The following LDLRAD3 variants were observed in gnomAD, a reference collection of about 807,000 sequenced individuals.
LDLRAD3 encodes low-density lipoprotein receptor class A domain-containing protein 3.
In LDLRAD3, 20 loss-of-function variants were observed where a neutral mutation model predicts 29.4. That is an observed-to-expected ratio of 0.68 (90% CI 0.48 to 0.99). The LOEUF is 0.99. Among genes scored for constraint, LDLRAD3 ranks in the 50% least tolerant of loss-of-function variants. The pLI, the probability that LDLRAD3 is intolerant of heterozygous loss-of-function variation, is 0.00. For synonymous variants in LDLRAD3, 157 were observed against 192.7 expected (o/e 0.81, Z 1.53); for missense variants, 420 against 454.3 (o/e 0.92, Z 0.69).
At chr11:35,957,656 C>T (rs1017884141) in intron 1 of LDLRAD3, among the ~76,000 whole-genome samples, 8 of 151,758 alleles carry the variant, frequency 5.3e-5, no homozygotes, top group Non-Finnish European at 8.8e-5. Context: ...AAAAATTAGC[C>T]GGGCACAGTG....
chr11:36,010,025 A>G (rs1210655440), intron 1 of LDLRAD3: 2 of 154,386 alleles, frequency 1.3e-5, no homozygotes, highest in Non-Finnish European at 2.9e-5. Context: ...AAATACTATC[A>G]GAATAAGGGA....
chr11:36,043,526 T>TG (rs947649139), intron 2 of LDLRAD3, among the ~76,000 whole-genome samples: 1 of 152,142 alleles, frequency 6.6e-6, no homozygotes, highest in Non-Finnish European at 1.5e-5. Context: ...TATTTGGAAA[T>TG]GGGGGTCCTT....
rs114525921 is a variant in LDLRAD3 at position 36,011,981 on chromosome 11, C to T, written c.47-24122C>T. On this transcript the variant is annotated intron_variant, in intron 1 of 5. Transcript: ENST00000315571. ...ATGACTGTGGGGAAGAAGGCAGGTA[C>T]GGTCATAGAAGTTTGCTATTTTCTT... Among the ~76,000 whole-genome samples, 435 of 152,240 alleles carry T rather than the reference C, an allele frequency of 2.9e-3. 2 individuals carry two copies. Among genetic ancestry groups the T allele is most frequent in the African/African-American group, 1.0e-2 (414 of 41,540 alleles).
intron 4 of LDLRAD3, among the ~76,000 whole-genome samples, chr11:36,217,914 A>C (rs1313717130): frequency 6.6e-6 from 1 of 152,122 alleles, no homozygotes; most frequent in African/African-American, 2.4e-5. Flanking sequence ...AGCTCTCTCT[A>C]ATTCAGAATG....
At chr11:36,200,786 A>G (rs1028444316) in intron 4 of LDLRAD3, among the ~76,000 whole-genome samples, 4 of 152,234 alleles carry the variant, frequency 2.6e-5, no homozygotes, top group African/African-American at 7.2e-5. Context: ...GTGTTCTTCT[A>G]TCAATCAGCC....
intron 1 of LDLRAD3, among the ~76,000 whole-genome samples, chr11:35,992,741 C>T (rs1851706038): frequency 6.6e-6 from 1 of 152,028 alleles, no homozygotes; most frequent in South Asian, 2.1e-4. Context: ...CATGGGGTTT[C>T]CTTTTGGGGT....
chr11:36,111,499 T>C lies in LDLRAD3; in HGVS notation c.454+13038T>C, dbSNP rs528644798. 2.3e-4 allele frequency among the ~76,000 whole-genome samples: 35 copies of C among 152,246 alleles called. No individual in the cohort carries two copies. In the South Asian group the frequency reaches 7.1e-3, roughly 31 times the overall value. On this transcript the variant is annotated intron_variant, in intron 4 of 5. Transcript: ENST00000315571. ...GTGCTCTGTGTTGCAAATATGTCAG[T>C]TCTTGTCACATCCCCCAAGTACTCC...
At chr11:36,103,236 CTTT>C (rs3082245) in intron 4 of LDLRAD3, among the ~76,000 whole-genome samples, 7 of 123,900 alleles carry the variant, frequency 5.6e-5, no homozygotes, top group Admixed American at 9.1e-5. Flanking sequence ...AGTATTTAAT[CTTT>C]TTTTTTTTTT....
intron 1 of LDLRAD3, among the ~76,000 whole-genome samples, chr11:35,990,744 C>T (rs1851679283): frequency 6.6e-6 from 1 of 152,156 alleles, no homozygotes; most frequent in African/African-American, 2.4e-5. Context: ...TGGTATTCTT[C>T]CCTGTCTGTG....
chr11:36,124,813 T>A (rs1291295469), intron 4 of LDLRAD3, among the ~76,000 whole-genome samples: 1 of 151,778 alleles, frequency 6.6e-6, no homozygotes, highest in Non-Finnish European at 1.5e-5. Context: ...TGCCTCAGAC[T>A]CCCGAGTAGC....
intron 2 of LDLRAD3, among the ~76,000 whole-genome samples, chr11:36,072,792 T>TA (rs1852928967): frequency 6.6e-6 from 1 of 152,228 alleles, no homozygotes; most frequent in Non-Finnish European, 1.5e-5. Flanking sequence ...CCCCAGCTGT[T>TA]ACACGAGTCT....
At chr11:36,059,452 G>A (rs1299398818) in intron 2 of LDLRAD3, among the ~76,000 whole-genome samples, 1 of 151,648 alleles carries the variant, frequency 6.6e-6, no homozygotes, top group East Asian at 1.9e-4. Flanking sequence ...GGCTGAAGAA[G>A]CCCTACCTGA....
rs186875924 is a variant in LDLRAD3 at position 36,074,046 on chromosome 11, G to A, written c.194-7607G>A. On this transcript the variant is annotated intron_variant, in intron 2 of 5. Coordinates refer to ENST00000315571, the MANE Select transcript of LDLRAD3 (RefSeq NM_174902.4). ...GAAAAAGATATCTGTGAAACAGAGCGCAATGCTTAGCTCATATTAAGCATT... is the reference window on the plus strand; with the variant it reads ...GAAAAAGATATCTGTGAAACAGAGCACAATGCTTAGCTCATATTAAGCATT... Among the ~76,000 whole-genome samples, 54 of 152,254 alleles carry A rather than the reference G, an allele frequency of 3.5e-4. No homozygotes were observed. The Middle Eastern group carries it at 0.01, about 29-fold the overall frequency.
intron 4 of LDLRAD3, among the ~76,000 whole-genome samples, chr11:36,102,900 C>G (rs1003931404): frequency 1.3e-5 from 2 of 152,068 alleles, no homozygotes; most frequent in Non-Finnish European, 2.9e-5. Context: ...TGATCCCCAC[C>G]TCCTGGTATT....
intron 1 of LDLRAD3, among the ~76,000 whole-genome samples, chr11:35,981,801 C>A (rs1240778408): frequency 6.6e-6 from 1 of 152,194 alleles, no homozygotes; most frequent in Non-Finnish European, 1.5e-5. Flanking sequence ...CTGCTCAGCA[C>A]AGGCTGAGAA....
intron 4 of LDLRAD3, among the ~76,000 whole-genome samples, chr11:36,140,673 G>A (rs935674475): frequency 2.6e-5 from 4 of 152,024 alleles, no homozygotes; most frequent in African/African-American, 7.2e-5. Context: ...TGCCCACTTC[G>A]GCCTCCCTAA....
At chr11:36,058,335 T>A (rs1852651579) in intron 2 of LDLRAD3, among the ~76,000 whole-genome samples, 1 of 152,172 alleles carries the variant, frequency 6.6e-6, no homozygotes, top group South Asian at 2.1e-4. Context: ...ACGTCTTCCT[T>A]CACGCTTCTG....
chr11:36,193,189 A>C (rs1854982064), intron 4 of LDLRAD3, among the ~76,000 whole-genome samples: 1 of 152,192 alleles, frequency 6.6e-6, no homozygotes, highest in African/African-American at 2.4e-5. Context: ...AGTGTTGGGA[A>C]CATTCTGTGA....
intron 4 of LDLRAD3, among the ~76,000 whole-genome samples, chr11:36,194,443 A>G (rs1855002384): frequency 6.6e-6 from 1 of 152,116 alleles, no homozygotes; most frequent in African/African-American, 2.4e-5. Flanking sequence ...ATTCAGGAAC[A>G]TTTTCAACCA....
Sources: gnomAD v4.1 joint callset for allele counts (sites outside exome capture counted in the v4.1 genomes callset) on GRCh38, gnomAD v4.1.1 for gene constraint, MANE v1.5 for transcripts, NCBI Gene and HGNC (gene_info 2026-07-23, HGNC 2026-07-21) for gene names.